The following ROBO1 variants were observed in gnomAD, a reference collection of about 807,000 sequenced individuals.
ROBO1 encodes the protein roundabout homolog 1.
In ROBO1, 149 loss-of-function variants were observed where a neutral mutation model predicts 195.9. The observed-to-expected ratio is 0.76, with a 90% CI of 0.67 to 0.87. ROBO1 has a LOEUF of 0.87. Among genes scored for constraint, ROBO1 ranks in the 40% least tolerant of loss-of-function variants. The pLI, the probability that ROBO1 is intolerant of heterozygous loss-of-function variation, is 0.00. For missense variants in ROBO1, 1,933 were observed against 2,068.3 expected, an observed-to-expected ratio of 0.93 and a Z score of 1.27; for synonymous variants, 816 against 733.2, an observed-to-expected ratio of 1.11 and a Z score of -1.82.
In ROBO1 at chr3:79,230,546, C is replaced by G. The variant is rs192307811; in HGVS notation, c.89-105007G>C. Among the ~76,000 whole-genome samples the G allele has an allele frequency of 1.2e-3, 189 of 152,066 alleles. 2 individuals carry two copies. The highest frequency in any genetic ancestry group is 9.9e-4 in the Non-Finnish European group (67 of 67,988). Reference sequence around the variant, plus strand: ...AAAGACTAAAAAAAAAATGTTTACACTGGCCTAGGGAGGTGCAAGATCTCC... The same window carrying G: ...AAAGACTAAAAAAAAAATGTTTACAGTGGCCTAGGGAGGTGCAAGATCTCC... On this transcript the variant is annotated intron_variant, in intron 2 of 30. Coordinates refer to ENST00000464233, the MANE Select transcript of ROBO1 (RefSeq NM_002941.4).
chr3:79,711,446 G>C (rs1045257942), intron 1 of ROBO1, among the ~76,000 whole-genome samples: 8 of 152,138 alleles, frequency 5.3e-5, no homozygotes, highest in Non-Finnish European at 1.2e-4. Flanking sequence ...TATTTAAATT[G>C]CATTTAATTT....
chr3:79,220,889 T>C (rs1411679660), intron 2 of ROBO1, among the ~76,000 whole-genome samples: 3 of 151,988 alleles, frequency 2.0e-5, no homozygotes, highest in Admixed American at 6.6e-5. Flanking sequence ...TTCTTTGTAG[T>C]AGGGGCATGG....
At chr3:79,048,713 C>T (rs2078641153) in intron 3 of ROBO1, among the ~76,000 whole-genome samples, 1 of 151,976 alleles carries the variant, frequency 6.6e-6, no homozygotes, top group African/African-American at 2.4e-5. Flanking sequence ...TTTTACTTCA[C>T]TAAGAAAATA....
chr3:79,312,937 G>A (rs962990215), intron 2 of ROBO1, among the ~76,000 whole-genome samples: 2 of 151,950 alleles, frequency 1.3e-5, no homozygotes, highest in African/African-American at 4.8e-5. Flanking sequence ...TGAAACAAAA[G>A]TCATCATTAG....
chr3:79,415,451 T>C (rs1226275291), intron 2 of ROBO1, among the ~76,000 whole-genome samples: 1 of 152,032 alleles, frequency 6.6e-6, no homozygotes, highest in African/African-American at 2.4e-5. Flanking sequence ...AATAAGTACA[T>C]GTGGGGCAAA....
At position 78,717,284 on chromosome 3, in the gene ROBO1, G is replaced by A. The variant is rs1298573836; in HGVS notation, c.908C>T (p.Pro303Leu). ...VRWRKDDGEL[P>L]KSRYEIRDDH... ...AAACTCTGATGTGTACCTGGATTTGGGCAGCTCTCCATCATCTTTCCTCCA... is the reference window on the plus strand; with the variant it reads ...AAACTCTGATGTGTACCTGGATTTGAGCAGCTCTCCATCATCTTTCCTCCA... Residue 303 changes from proline to leucine, a missense_variant, in exon 7 of 31, where the codon CCC becomes CTC. Pro to Leu is a moderately conservative substitution (Grantham distance 98). This residue lies in a region of ROBO1 where 1,737 missense variants were observed against 1,882.5 expected (regional missense o/e 0.92). Coordinates refer to ENST00000464233, the MANE Select transcript of ROBO1 (RefSeq NM_002941.4). The A allele has an allele frequency of 6.4e-7, 1 of 1,571,550 alleles. No homozygotes were observed. The highest frequency in any genetic ancestry group is 2.0e-5 in the Admixed American group (1 of 50,444).
At position 78,668,636 on chromosome 3, in the gene ROBO1, G is replaced by A. The variant is rs1354997347; in HGVS notation, c.1549-71C>T. The A allele has an allele frequency of 4.4e-6, 6 of 1,376,428 alleles. No individual in the cohort carries two copies. In the Admixed American group the frequency reaches 5.4e-5, roughly 12 times the overall value. The allele number at this position is 1,376,428 out of a possible 1,614,324, so 85.3% of individuals were successfully genotyped here. On this transcript the variant is annotated intron_variant, in intron 11 of 30. Coordinates refer to ENST00000464233, the MANE Select transcript of ROBO1 (RefSeq NM_002941.4). ...CACTGGGCTGGAAAAGCAATTACAGGTTTGTATATGATCCATGAATATGGA... is the reference window on the plus strand; with the variant it reads ...CACTGGGCTGGAAAAGCAATTACAGATTTGTATATGATCCATGAATATGGA...
intron 1 of ROBO1, among the ~76,000 whole-genome samples, chr3:79,677,381 G>A (rs754774512): frequency 1.3e-5 from 2 of 151,916 alleles, no homozygotes; most frequent in South Asian, 2.1e-4. Context: ...ATAGTTTCAC[G>A]TGGCTGGGGA....
chr3:78,932,339 G>C (rs1425015289), intron 4 of ROBO1, among the ~76,000 whole-genome samples: 1 of 152,140 alleles, frequency 6.6e-6, no homozygotes, highest in Non-Finnish European at 1.5e-5. Flanking sequence ...TTATATCTAA[G>C]TATCAACTAG....
intron 4 of ROBO1, among the ~76,000 whole-genome samples, chr3:78,936,565 T>C (rs1375943728): frequency 2.0e-5 from 3 of 152,090 alleles, no homozygotes; most frequent in African/African-American, 4.8e-5. Context: ...TGAATATGTA[T>C]GGTCTTTTTT....
chr3:79,686,804 A>G (rs911996429), intron 1 of ROBO1, among the ~76,000 whole-genome samples: 3 of 152,220 alleles, frequency 2.0e-5, no homozygotes, highest in Admixed American at 2.0e-4. Flanking sequence ...AAGGTAATTT[A>G]TAGATTGAAT....
chr3:79,502,364 C>T (rs1379416465), intron 2 of ROBO1, among the ~76,000 whole-genome samples: 2 of 152,182 alleles, frequency 1.3e-5, no homozygotes, highest in East Asian at 1.9e-4. Flanking sequence ...TGGCTGTCCC[C>T]GCCGCCCGGG....
At position 79,288,784 on chromosome 3, in the gene ROBO1, T is replaced by C. The variant is rs1218575484; in HGVS notation, c.89-163245A>G. On this transcript the variant is annotated intron_variant, in intron 2 of 30. Coordinates refer to ENST00000464233, the MANE Select transcript of ROBO1 (RefSeq NM_002941.4). ...CCTCACCTGTTATTGTCCTTTTATA[T>C]CTCGACCTTTTTTTTTCCAATTTCT... Among the ~76,000 whole-genome samples, 7 of 152,096 alleles carry C rather than the reference T, an allele frequency of 4.6e-5. No homozygotes were observed. The East Asian group carries it at 1.3e-3, about 29-fold the overall frequency.
chr3:79,150,358 C>T (rs986089214), intron 2 of ROBO1, among the ~76,000 whole-genome samples: 7 of 151,686 alleles, frequency 4.6e-5, no homozygotes, highest in South Asian at 4.2e-4. Flanking sequence ...TTCAGTGTGG[C>T]ACACAGTGAA....
chr3:79,194,257 T>C (rs2081591249), intron 2 of ROBO1, among the ~76,000 whole-genome samples: 1 of 151,718 alleles, frequency 6.6e-6, no homozygotes, highest in Non-Finnish European at 1.5e-5. Context: ...GTAACCTCTC[T>C]TGTTAGCAAA....
chr3:78,783,725 C>G (rs2108494081), intron 4 of ROBO1, among the ~76,000 whole-genome samples: 1 of 152,244 alleles, frequency 6.6e-6, no homozygotes, highest in Non-Finnish European at 1.5e-5. Context: ...CGTCACACAA[C>G]TAGTTAATAA....
At chr3:79,591,787 A>G (rs1446860905) in intron 1 of ROBO1, among the ~76,000 whole-genome samples, 1 of 151,770 alleles carries the variant, frequency 6.6e-6, no homozygotes, top group East Asian at 1.9e-4. Flanking sequence ...TATATTGTGT[A>G]CTGGTCATTT....
chr3:78,760,676 C>T (rs1471718328), intron 4 of ROBO1, among the ~76,000 whole-genome samples: 1 of 152,120 alleles, frequency 6.6e-6, no homozygotes, highest in African/African-American at 2.4e-5. Context: ...GGGTCTTGCT[C>T]TGTCACCCAT....
chr3:79,672,579 C>T (rs1946662742), intron 1 of ROBO1, among the ~76,000 whole-genome samples: 1 of 151,890 alleles, frequency 6.6e-6, no homozygotes. Flanking sequence ...AGTTAGAAGA[C>T]TGCGTGAGGA....
Sources: gnomAD v4.1 joint callset for allele counts (sites outside exome capture counted in the v4.1 genomes callset) on GRCh38, gnomAD v4.1.1 for gene constraint, gnomAD v4.1.1 regional missense constraint, MANE v1.5 for transcripts, NCBI Gene and HGNC (gene_info 2026-07-23, HGNC 2026-07-21) for gene names.